The following ASIC2 variants were observed in gnomAD, a reference collection of about 807,000 sequenced individuals.
The protein encoded by ASIC2 is acid sensing ion channel subunit 2.
A neutral mutation model predicts 57.3 loss-of-function variants in ASIC2; 25 were observed. That is an observed-to-expected ratio of 0.44 (90% CI 0.32 to 0.61). The LOEUF (loss-of-function observed/expected upper bound fraction) is 0.61, where lower values mean the gene tolerates loss of function less well. ASIC2 is among the 20% of genes least tolerant of loss of function. The pLI is 0.06. For missense variants in ASIC2, 641 were observed against 738.1 expected (o/e 0.87, Z 1.52); for synonymous variants, 319 against 307.5 (o/e 1.04, Z -0.39).
At chr17:33,205,169 C>G (rs556845115) in intron 1 of ASIC2, among the ~76,000 whole-genome samples, 1 of 152,178 alleles carries the variant, frequency 6.6e-6, no homozygotes, top group Non-Finnish European at 1.5e-5. Context: ...AGCCAGAGCC[C>G]CTGCTGGAAA....
chr17:33,121,204 G>A lies in ASIC2; in HGVS notation c.709-9137C>T, dbSNP rs562662181. Among the ~76,000 whole-genome samples the A allele has an allele frequency of 3.9e-5, 6 of 152,356 alleles. No homozygotes were observed. The East Asian group carries it at 7.7e-4, about 20-fold the overall frequency. ...TGGCTGTGGATGTTGAATCTCAGAT[G>A]TTGTTCCATCCGGGACCATGCCTGT... On this transcript the variant is annotated intron_variant, in intron 1 of 9. Transcript: ENST00000225823.
At chr17:33,477,321 C>T (rs899325967) in intron 1 of ASIC2, among the ~76,000 whole-genome samples, 8 of 152,138 alleles carry the variant, frequency 5.3e-5, no homozygotes, top group African/African-American at 1.9e-4. Context: ...TTCTAGACTT[C>T]AAATTTCAGG....
Position 33,025,933 on chromosome 17 carries a change from A to G in ASIC2, c.1188T>C (p.Pro396=). 2 of 1,612,950 alleles carry G rather than the reference A, an allele frequency of 1.2e-6. No individual in the cohort carries two copies. The highest frequency in any genetic ancestry group is 1.7e-6 in the Non-Finnish European group (2 of 1,179,550). Residue 396 remains proline, a synonymous_variant, in exon 5 of 10, where the codon CCT becomes CCC. Transcript: ENST00000225823. ...TPEQHKECAE[P]ALGLLAEKDS... Reference sequence around the variant, plus strand: ...TGTCCCCTGAGTACTGACCTAGGGCAGGCTCTGCACACTCCTTGTGCTGCT... The same window carrying G: ...TGTCCCCTGAGTACTGACCTAGGGCGGGCTCTGCACACTCCTTGTGCTGCT...
chr17:33,116,388 C>T (rs533561761), intron 1 of ASIC2, among the ~76,000 whole-genome samples: 9 of 152,314 alleles, frequency 5.9e-5, no homozygotes, highest in African/African-American at 1.4e-4. Flanking sequence ...TATGCCTTAT[C>T]GCCCCCAGCC....
chr17:33,871,860 T>C (rs929265850), intron 1 of ASIC2, among the ~76,000 whole-genome samples: 4 of 152,070 alleles, frequency 2.6e-5, no homozygotes, highest in Non-Finnish European at 5.9e-5. Context: ...GGGTAATTAG[T>C]CTGTCAGCTG....
chr17:33,356,077 G>T (rs1597696694), intron 1 of ASIC2, among the ~76,000 whole-genome samples: 1 of 152,264 alleles, frequency 6.6e-6, no homozygotes, highest in African/African-American at 2.4e-5. Flanking sequence ...GAGTATTTAA[G>T]TCAGAGAAAC....
rs1387263917 is a variant in ASIC2 at position 33,879,034 on chromosome 17, A to G, written c.555+276944T>C. 2.6e-5 allele frequency among the ~76,000 whole-genome samples: 4 copies of G among 152,308 alleles called. No homozygotes were observed. The East Asian group carries it at 7.7e-4, about 29-fold the overall frequency. Reference sequence around the variant, plus strand: ...GCTTCATAAGTGAAGGAGAAATAAAATACTTTACAGACAAGCAAATGCTGA... The same window carrying G: ...GCTTCATAAGTGAAGGAGAAATAAAGTACTTTACAGACAAGCAAATGCTGA... On this transcript the variant is annotated intron_variant, in intron 1 of 9. Transcript: ENST00000359872.
intron 1 of ASIC2, among the ~76,000 whole-genome samples, chr17:33,783,549 C>T (rs574445705): frequency 2.0e-5 from 3 of 152,344 alleles, no homozygotes; most frequent in East Asian, 3.9e-4. Flanking sequence ...AACTGCACTG[C>T]AGAGCAGAGC....
At chr17:33,329,981 G>C (rs904920129) in intron 1 of ASIC2, among the ~76,000 whole-genome samples, 2 of 152,162 alleles carry the variant, frequency 1.3e-5, no homozygotes, top group African/African-American at 4.8e-5. Context: ...TGCATTCCTA[G>C]ATATCCTACC....
At chr17:33,683,125 G>C (rs550725224) in intron 1 of ASIC2, among the ~76,000 whole-genome samples, 1 of 152,282 alleles carries the variant, frequency 6.6e-6, no homozygotes, top group Non-Finnish European at 1.5e-5. Context: ...TTTCTCCTGG[G>C]TTCTGGATTC....
In ASIC2 at chr17:33,256,092, A is replaced by G. The variant is rs755382266; in HGVS notation, c.708+35316T>C. ...TGGATTTGAGTGGTCACTTAAAAAA[A>G]TACTTGCTATTTCTTAAGCTACAGA... is the stretch of plus-strand genomic sequence containing the variant. On this transcript the variant is annotated intron_variant, in intron 1 of 9. Transcript: ENST00000225823. Among the ~76,000 whole-genome samples, 128 of 152,368 alleles carry G rather than the reference A, an allele frequency of 8.4e-4. 1 individual carries two copies. Among genetic ancestry groups the G allele is most frequent in the Middle Eastern group, 3.4e-3 (1 of 294 alleles).
At position 33,363,711 on chromosome 17, in the gene ASIC2, A is replaced by G. The variant is rs538847766; in HGVS notation, c.556-251644T>C. Among the ~76,000 whole-genome samples the G allele has an allele frequency of 6.6e-5, 10 of 152,330 alleles. No homozygotes were observed. In the East Asian group the frequency reaches 1.9e-3, roughly 29 times the overall value. On this transcript the variant is annotated intron_variant, in intron 1 of 9. Transcript: ENST00000359872. ...GAGTGTTGGGAAATGAGGAGAATCC[A>G]GAGAAAAGTTGCCACGGCAACAGGG...
intron 1 of ASIC2, among the ~76,000 whole-genome samples, chr17:33,531,284 G>A (rs948781571): frequency 2.6e-5 from 4 of 151,984 alleles, no homozygotes; most frequent in African/African-American, 9.7e-5. Flanking sequence ...GTAGTCTTGG[G>A]GTACATAAAG....
intron 1 of ASIC2, among the ~76,000 whole-genome samples, chr17:34,096,880 A>AAT (rs1452172777): frequency 2.0e-5 from 3 of 150,156 alleles, no homozygotes; most frequent in Non-Finnish European, 3.0e-5. Flanking sequence ...AAAAAAAAAA[A>AAT]AAAAAGTAGA....
At chr17:33,609,113 C>T (rs370489681) in intron 1 of ASIC2, among the ~76,000 whole-genome samples, 10 of 152,292 alleles carry the variant, frequency 6.6e-5, no homozygotes, top group South Asian at 4.1e-4. Flanking sequence ...TCTCTTTGGA[C>T]GCTGTTGTGA....
chr17:33,980,822 A>C (rs1905588688), intron 1 of ASIC2: 1 of 152,232 alleles, frequency 6.6e-6, no homozygotes. Flanking sequence ...AACAACTCTG[A>C]AGGCTCATTC....
At chr17:33,982,182 C>T (rs1363541537) in intron 1 of ASIC2, among the ~76,000 whole-genome samples, 3 of 152,166 alleles carry the variant, frequency 2.0e-5, no homozygotes, top group Admixed American at 2.0e-4. Flanking sequence ...AATCCCCAGC[C>T]GTAATTACCA....
At chr17:33,531,861 CTG>C (rs1915061731) in intron 1 of ASIC2, among the ~76,000 whole-genome samples, 1 of 152,146 alleles carries the variant, frequency 6.6e-6, no homozygotes, top group South Asian at 2.1e-4. Context: ...AATGATCACA[CTG>C]TGTTCCCAGC....
chr17:33,841,369 A>T (rs1567731193), intron 1 of ASIC2, among the ~76,000 whole-genome samples: 1 of 150,844 alleles, frequency 6.6e-6, no homozygotes, highest in Non-Finnish European at 1.5e-5. Context: ...GCACTGTTTA[A>T]TTTTTTTTTT....
Sources: gnomAD v4.1 joint callset for allele counts (sites outside exome capture counted in the v4.1 genomes callset) on GRCh38, gnomAD v4.1.1 for gene constraint, MANE v1.5 for transcripts, NCBI Gene and HGNC (gene_info 2026-07-23, HGNC 2026-07-21) for gene names.